ROBO2: variants seen among roughly 807,000 people sequenced by gnomAD.
The protein encoded by ROBO2 is roundabout homolog 2.
A neutral mutation model predicts 160.8 loss-of-function variants in ROBO2; 53 were observed. That is an observed-to-expected ratio of 0.33 (90% CI 0.26 to 0.41). The LOEUF is 0.41. Ranked by LOEUF, ROBO2 falls within the 10% of genes least tolerant of loss-of-function variation. The pLI is 1.00. For missense variants in ROBO2, 1,577 were observed against 1,722.4 expected (o/e 0.92, Z 1.49); for synonymous variants, 664 against 611.7 (o/e 1.09, Z -1.26).
At chr3:76,880,918 A>G (rs1398342996) in intron 2 of ROBO2, among the ~76,000 whole-genome samples, 1 of 152,180 alleles carries the variant, frequency 6.6e-6, no homozygotes, top group African/African-American at 2.4e-5. Flanking sequence ...TTTGTTTATT[A>G]TTCAGCCTTT....
chr3:76,846,334 T>C (rs2068770268), intron 2 of ROBO2, among the ~76,000 whole-genome samples: 1 of 152,146 alleles, frequency 6.6e-6, no homozygotes, highest in Non-Finnish European at 1.5e-5. Flanking sequence ...TTTACCTAGA[T>C]TGCTTGTAGC....
chr3:77,552,938 T>C (rs2092971298), intron 8 of ROBO2, among the ~76,000 whole-genome samples: 1 of 151,936 alleles, frequency 6.6e-6, no homozygotes, highest in Non-Finnish European at 1.5e-5. Context: ...TTCAGGGAAT[T>C]GTAGAGCCAT....
chr3:77,143,402 G>A (rs1383956870), intron 2 of ROBO2, among the ~76,000 whole-genome samples: 1 of 151,692 alleles, frequency 6.6e-6, no homozygotes, highest in Non-Finnish European at 1.5e-5. Flanking sequence ...CACCGTGTTG[G>A]CCAGGTTGTT....
intron 2 of ROBO2, among the ~76,000 whole-genome samples, chr3:76,946,433 TTG>T (rs2078547663): frequency 6.6e-6 from 1 of 150,508 alleles, no homozygotes; most frequent in Admixed American, 6.6e-5. Flanking sequence ...TGTTTGTTTT[TTG>T]TTTGTTTGTT....
chr3:77,586,116 G>T (rs76172220), intron 16 of ROBO2, among the ~76,000 whole-genome samples: 1 of 152,060 alleles, frequency 6.6e-6, no homozygotes, highest in Admixed American at 6.6e-5. Flanking sequence ...CGTAACATTG[G>T]TGTTGTTCTT....
intron 2 of ROBO2, among the ~76,000 whole-genome samples, chr3:76,265,274 C>G (rs1707028201): frequency 6.6e-6 from 1 of 152,152 alleles, no homozygotes; most frequent in African/African-American, 2.4e-5. Flanking sequence ...AAACACTCAT[C>G]TTCGTCTAGG....
At chr3:76,192,105 A>G (rs746401944) in intron 2 of ROBO2, among the ~76,000 whole-genome samples, 47 of 151,940 alleles carry the variant, frequency 3.1e-4, no homozygotes, top group Non-Finnish European at 3.1e-4. Context: ...TAGTTACCTG[A>G]CCTTCGATTG....
chr3:76,020,721 A>G (rs1181980195), intron 2 of ROBO2, among the ~76,000 whole-genome samples: 1 of 151,788 alleles, frequency 6.6e-6, no homozygotes, highest in Non-Finnish European at 1.5e-5. Context: ...GTTTATCTAC[A>G]TGCTTTCCAT....
At chr3:76,500,089 G>T (rs1290669107) in intron 2 of ROBO2, among the ~76,000 whole-genome samples, 3 of 152,068 alleles carry the variant, frequency 2.0e-5, no homozygotes, top group South Asian at 2.1e-4. Context: ...ACTTGGGGTG[G>T]TGGGGGGACA....
At position 77,221,060 on chromosome 3, in the gene ROBO2, G is replaced by A. The variant is rs117627607; in HGVS notation, c.388+122720G>A. 2.5e-3 allele frequency among the ~76,000 whole-genome samples: 373 copies of A among 152,242 alleles called. 3 individuals carry two copies. The highest frequency in any genetic ancestry group is 8.1e-3 in the African/African-American group (337 of 41,530). ...AGCTTTCCAATGCATCTTGGGTTGC[G>A]TGAGCTAAATACTTTTGGCAAGGAA... On this transcript the variant is annotated intron_variant, in intron 2 of 25. Coordinates refer to ENST00000461745, the Ensembl canonical transcript of ROBO2.
chr3:76,198,560 T>C (rs1702370513), intron 2 of ROBO2, among the ~76,000 whole-genome samples: 1 of 152,158 alleles, frequency 6.6e-6, no homozygotes, highest in Non-Finnish European at 1.5e-5. Context: ...GTATACATTA[T>C]ATAGCGAATC....
At chr3:77,368,101 G>C (rs1207871915) in intron 2 of ROBO2, among the ~76,000 whole-genome samples, 1 of 152,044 alleles carries the variant, frequency 6.6e-6, no homozygotes, top group African/African-American at 2.4e-5. Flanking sequence ...ATGAAACAGT[G>C]TTTGTCTATT....
At chr3:77,238,567 AT>A (rs1441831309) in intron 2 of ROBO2, among the ~76,000 whole-genome samples, 1 of 152,160 alleles carries the variant, frequency 6.6e-6, no homozygotes, top group Non-Finnish European at 1.5e-5. Context: ...GAATGAAAAA[AT>A]ATTTCTATGA....
At chr3:76,555,430 G>GAA (rs1156538887) in intron 2 of ROBO2, among the ~76,000 whole-genome samples, 46 of 67,946 alleles carry the variant, frequency 6.8e-4, no homozygotes, top group South Asian at 3.2e-3. Context: ...AGAAGGAGAA[G>GAA]GGGAAGGGGA....
intron 2 of ROBO2, among the ~76,000 whole-genome samples, chr3:77,178,370 T>C (rs2080361129): frequency 6.6e-6 from 1 of 152,106 alleles, no homozygotes; most frequent in African/African-American, 2.4e-5. Context: ...TTTTTGTTGA[T>C]GCCTAGATGG....
intron 2 of ROBO2, among the ~76,000 whole-genome samples, chr3:76,015,328 A>C (rs1186960896): frequency 1.3e-5 from 2 of 152,232 alleles, no homozygotes; most frequent in Admixed American, 6.5e-5. Context: ...ATGTATACTT[A>C]AAAGATACCT....
intron 2 of ROBO2, among the ~76,000 whole-genome samples, chr3:77,212,471 TGGG>T (rs1242628069): frequency 6.6e-6 from 1 of 152,160 alleles, no homozygotes; most frequent in Non-Finnish European, 1.5e-5. Flanking sequence ...TAAGGAGATT[TGGG>T]GCTGAGACGA....
At chr3:77,228,943 C>T (rs956643026) in intron 2 of ROBO2, among the ~76,000 whole-genome samples, 5 of 152,188 alleles carry the variant, frequency 3.3e-5, no homozygotes, top group Non-Finnish European at 7.3e-5. Flanking sequence ...TTTTAGGTCT[C>T]ATGCAATTTA....
chr3:77,402,848 C>G (rs188468537), intron 2 of ROBO2, among the ~76,000 whole-genome samples: 1 of 152,150 alleles, frequency 6.6e-6, no homozygotes, highest in South Asian at 2.1e-4. Flanking sequence ...TCTCCCAAGT[C>G]GCCCACTTGG....
Sources: allele counts gnomAD v4.1 joint callset (sites outside exome capture counted in the v4.1 genomes callset), GRCh38; gene constraint gnomAD v4.1.1; transcripts MANE v1.5; gene names NCBI Gene and HGNC (gene_info 2026-07-23, HGNC 2026-07-21).